FBN2: variants seen among roughly 807,000 people sequenced by gnomAD.
FBN2 encodes the protein fibrillin 2.
In FBN2, 105 loss-of-function variants were observed where a neutral mutation model predicts 355.6. The ratio of observed to expected loss-of-function variants is 0.30; its 90% CI spans 0.25 to 0.35. The LOEUF (loss-of-function observed/expected upper bound fraction) is 0.35. Among genes scored for constraint, FBN2 ranks in the 10% least tolerant of loss-of-function variants. The pLI is 1.00. For synonymous variants in FBN2, 1,350 were observed against 1,301.2 expected, an observed-to-expected ratio of 1.04 and a Z score of -0.81; for missense variants, 3,280 against 3,758.7, an observed-to-expected ratio of 0.87 and a Z score of 3.33.
intron 3 of FBN2, among the ~76,000 whole-genome samples, chr5:128,529,395 A>T (rs1341335788): frequency 6.6e-6 from 1 of 152,200 alleles, no homozygotes; most frequent in African/African-American, 2.4e-5. Flanking sequence ...AAGAAAATGA[A>T]AAACAACATT....
intron 6 of FBN2, 40 bp downstream of exon 6, chr5:128,464,684 C>A (rs377115167): frequency 9.4e-6 from 15 of 1,594,332 alleles, no homozygotes; most frequent in Non-Finnish European, 1.2e-5. Context: ...AGAGAAGTGG[C>A]AGGTCTGCGA....
intron 48 of FBN2, among the ~76,000 whole-genome samples, chr5:128,293,103 A>AG (rs1749374640): frequency 1.3e-5 from 2 of 152,188 alleles, no homozygotes; most frequent in South Asian, 4.1e-4. Context: ...ATATCTGTGC[A>AG]GGGTATGTGT....
chr5:128,328,926 A>G, intron 33 of FBN2, 105 bp from the exon 34 acceptor site: 2 of 1,187,124 alleles, frequency 1.7e-6, no homozygotes, highest in South Asian at 2.5e-5. Context: ...CTTAATGCTC[A>G]TTAACATGAA....
rs147040906 is a variant in FBN2 at position 128,312,722 on chromosome 5, G to C, written c.4791C>G (p.Ile1597Met). The change falls in exon 37 of 65, where the codon ATC becomes ATG. Residue 1597 changes from isoleucine (I) to methionine (M), a missense_variant. Coordinates refer to ENST00000262464, the MANE Select transcript of FBN2 (RefSeq NM_001999.4). ...ATGAAGAGCGACTGACGCCCACCCC[G>C]ATCTCGGTGTTGCAAGACAGACTCC... is the stretch of plus-strand genomic sequence containing the variant. ...GDGSLSCNTE[I>M]GVGVSRSSCC... is the part of the protein sequence containing the mutation. The C allele has an allele frequency of 3.7e-6, 6 of 1,613,786 alleles. No individual in the cohort carries two copies. The highest frequency in any genetic ancestry group is 5.1e-6 in the Non-Finnish European group (6 of 1,179,994).
intron 8 of FBN2, among the ~76,000 whole-genome samples, chr5:128,403,613 A>G (rs562112687): frequency 1.3e-5 from 2 of 151,624 alleles, no homozygotes; most frequent in South Asian, 2.1e-4. Context: ...GGACATGACC[A>G]TGACAGTTAC....
At chr5:128,383,929 C>T (rs1345363352) in intron 11 of FBN2, among the ~76,000 whole-genome samples, 3 of 152,068 alleles carry the variant, frequency 2.0e-5, no homozygotes, top group Non-Finnish European at 4.4e-5. Context: ...AATCCAGCCA[C>T]TCCACGCCTA....
At chr5:128,343,892 G>A (rs919587682) in intron 25 of FBN2, among the ~76,000 whole-genome samples, 3 of 152,066 alleles carry the variant, frequency 2.0e-5, no homozygotes, top group Non-Finnish European at 2.9e-5. Flanking sequence ...CTCTCACAAC[G>A]AGTTTATTTG....
chr5:128,303,324 C>G (rs1749772009), intron 45 of FBN2, among the ~76,000 whole-genome samples: 1 of 152,060 alleles, frequency 6.6e-6, no homozygotes, highest in Admixed American at 6.6e-5. Flanking sequence ...TGTACTCAGA[C>G]AATACTCAGA....
At chr5:128,407,947 A>G (rs1752973483) in intron 8 of FBN2, among the ~76,000 whole-genome samples, 1 of 152,208 alleles carries the variant, frequency 6.6e-6, no homozygotes, top group African/African-American at 2.4e-5. Flanking sequence ...TATTGGATTA[A>G]TTTTCCTAAT....
At chr5:128,506,319 T>C (rs1039086386) in intron 5 of FBN2, among the ~76,000 whole-genome samples, 5 of 152,192 alleles carry the variant, frequency 3.3e-5, no homozygotes, top group African/African-American at 1.2e-4. Flanking sequence ...TATTTCTTCA[T>C]TTATTAGGTC....
rs753305406 is a variant in FBN2 at position 128,291,588 on chromosome 5, C to T, written c.6233G>A (p.Gly2078Asp). The stretch of plus-strand genomic sequence containing the variant: ...GCCAGGGGGGCAGAGGCACTGGAAG[C>T]CCCCTGGAGTATTAGTACAGGAACC... Reference protein sequence around the residue: ...LFGSCTNTPGGFQCLCPPGFV... With the variant: ...LFGSCTNTPGDFQCLCPPGFV... The change falls in exon 49 of 65, where the codon GGC becomes GAC. Residue 2078 changes from glycine (G) to aspartate (D), a missense_variant. Physicochemically the swap from Gly to Asp is moderately conservative, Grantham distance 94. Coordinates refer to ENST00000262464, the MANE Select transcript of FBN2 (RefSeq NM_001999.4). 3 of 1,613,488 alleles carry T rather than the reference C, an allele frequency of 1.9e-6. No individual in the cohort carries two copies. Among genetic ancestry groups the T allele is most frequent in the African/African-American group, 1.3e-5 (1 of 75,000 alleles).
At chr5:128,375,784 C>T (rs1752063324) in intron 14 of FBN2, among the ~76,000 whole-genome samples, 1 of 152,012 alleles carries the variant, frequency 6.6e-6, no homozygotes, top group Admixed American at 6.6e-5. Flanking sequence ...GCCTGTAATC[C>T]CAGAACTTTG....
chr5:128,488,811 C>T (rs1035223210), intron 5 of FBN2, among the ~76,000 whole-genome samples: 7 of 151,830 alleles, frequency 4.6e-5, no homozygotes, highest in African/African-American at 2.4e-5. Context: ...TCATCCATGT[C>T]CCTACAAAGG....
At chr5:128,466,961 C>T (rs1349286158) in intron 5 of FBN2, among the ~76,000 whole-genome samples, 3 of 151,912 alleles carry the variant, frequency 2.0e-5, no homozygotes, top group East Asian at 1.9e-4. Context: ...GTTCTGAATA[C>T]GTGGGGAAAA....
chr5:128,504,628 G>T (rs1410752230), intron 5 of FBN2, among the ~76,000 whole-genome samples: 2 of 152,188 alleles, frequency 1.3e-5, no homozygotes, highest in Admixed American at 6.5e-5. Flanking sequence ...GTCCCATTTG[G>T]AACAGGTGTA....
At chr5:128,329,047 T>G (rs753152738) in intron 33 of FBN2, among the ~76,000 whole-genome samples, 1 of 152,188 alleles carries the variant, frequency 6.6e-6, no homozygotes, top group Non-Finnish European at 1.5e-5. Context: ...CTATTTAACC[T>G]GCACCCTAAC....
At chr5:128,457,522 T>A (rs1469843965) in intron 6 of FBN2, among the ~76,000 whole-genome samples, 1 of 152,088 alleles carries the variant, frequency 6.6e-6, no homozygotes, top group Non-Finnish European at 1.5e-5. Flanking sequence ...AAGGTTGAAA[T>A]GAAGGAAAAA....
chr5:128,412,359 G>T (rs1753091964), intron 7 of FBN2, among the ~76,000 whole-genome samples: 1 of 152,214 alleles, frequency 6.6e-6, no homozygotes, highest in Non-Finnish European at 1.5e-5. Context: ...CCTAGTGGAA[G>T]AGAGTGTCTT....
chr5:128,408,748 G>C lies in FBN2; in HGVS notation c.1004C>G (p.Ser335Cys), dbSNP rs745808540. The change falls in exon 8 of 65, where the codon TCC becomes TGC. Residue 335 changes from serine (S) to cysteine (C), a missense_variant. Physicochemically the swap from Ser to Cys is moderately radical, Grantham distance 112. Coordinates refer to ENST00000262464, the MANE Select transcript of FBN2 (RefSeq NM_001999.4). Reference sequence around the variant, plus strand: ...ACAAAAATAGCTTCCCACGGTGTTGGAACATTCACCAGTTTCACATATCCC... The same window carrying C: ...ACAAAAATAGCTTCCCACGGTGTTGCAACATTCACCAGTTTCACATATCCC... Reference protein sequence around the residue: ...IPGICETGECSNTVGSYFCVC... With the variant: ...IPGICETGECCNTVGSYFCVC... 1 of 1,613,946 alleles carries C rather than the reference G, an allele frequency of 6.2e-7. No homozygotes were observed. Among genetic ancestry groups the C allele is most frequent in the Non-Finnish European group, 8.5e-7 (1 of 1,179,890 alleles).
Sources: gnomAD v4.1 joint callset for allele counts (sites outside exome capture counted in the v4.1 genomes callset) on GRCh38, gnomAD v4.1.1 for gene constraint, MANE v1.5 for transcripts, NCBI Gene and HGNC (gene_info 2026-07-23, HGNC 2026-07-21) for gene names.